Variants in FARS2 observed in about 807,000 individuals in gnomAD.
FARS2 encodes phenylalanyl-tRNA synthetase 2, mitochondrial.
FARS2 carries 40 observed loss-of-function variants against 46.4 expected under a neutral mutation model. The observed-to-expected ratio is 0.86, with a 90% CI of 0.67 to 1.12. The LOEUF is 1.12. Among genes scored for constraint, FARS2 ranks in the 50% most tolerant of loss-of-function variants. FARS2 has a pLI of 0.00. For synonymous variants in FARS2, 234 were observed against 214.9 expected (o/e 1.09, Z -0.78); for missense variants, 513 against 567.9 (o/e 0.90, Z 0.98).
At chr6:5,280,865 TAAG>T (rs546759969) in intron 1 of FARS2, among the ~76,000 whole-genome samples, 5 of 152,198 alleles carry the variant, frequency 3.3e-5, no homozygotes, top group East Asian at 1.9e-4. Context: ...AAGGTTTAGT[TAAG>T]AAGTATGTAG....
At chr6:5,400,852 T>C (rs1761214218) in intron 2 of FARS2, among the ~76,000 whole-genome samples, 1 of 152,050 alleles carries the variant, frequency 6.6e-6, no homozygotes, top group African/African-American at 2.4e-5. Context: ...ATAATTGTCT[T>C]ATTGATATAT....
intron 1 of FARS2, among the ~76,000 whole-genome samples, chr6:5,265,598 G>T (rs911493634): frequency 6.6e-6 from 1 of 152,188 alleles, no homozygotes; most frequent in Admixed American, 6.5e-5. Context: ...GCATTCAAGA[G>T]ATAGCTGGCA....
chr6:5,637,596 T>C (rs1308517506), intron 6 of FARS2, among the ~76,000 whole-genome samples: 1 of 152,244 alleles, frequency 6.6e-6, no homozygotes, highest in Non-Finnish European at 1.5e-5. Flanking sequence ...GCCTCTTCTT[T>C]TCATAAAAAC....
chr6:5,574,571 C>G (rs907199260), intron 5 of FARS2, among the ~76,000 whole-genome samples: 3 of 152,170 alleles, frequency 2.0e-5, no homozygotes, highest in Non-Finnish European at 4.4e-5. Context: ...ATACCCTTTA[C>G]TCAGATTTTG....
intron 5 of FARS2, among the ~76,000 whole-genome samples, chr6:5,562,305 T>G (rs1269372542): frequency 4.0e-5 from 6 of 151,562 alleles, no homozygotes; most frequent in Non-Finnish European, 1.5e-5. Flanking sequence ...TAAGAAGTGG[T>G]CTTTTAACGG....
At chr6:5,704,743 A>T (rs1758641056) in intron 6 of FARS2, among the ~76,000 whole-genome samples, 1 of 152,242 alleles carries the variant, frequency 6.6e-6, no homozygotes, top group African/African-American at 2.4e-5. Context: ...ATGATTTTAT[A>T]AAAGCAGCCC....
intron 6 of FARS2, among the ~76,000 whole-genome samples, chr6:5,698,873 G>T (rs1758256071): frequency 6.6e-6 from 1 of 152,160 alleles, no homozygotes; most frequent in African/African-American, 2.4e-5. Context: ...CACAGAGCTG[G>T]TCTGTGGGGG....
chr6:5,435,236 A>G (rs1763452783), intron 4 of FARS2, among the ~76,000 whole-genome samples: 2 of 152,236 alleles, frequency 1.3e-5, no homozygotes. Flanking sequence ...GAATGAAAGA[A>G]CTGAAACAAA....
At position 5,420,672 on chromosome 6, in the gene FARS2, C is replaced by A. The variant is rs368132156; in HGVS notation, c.773-10369C>A. Among the ~76,000 whole-genome samples the A allele has an allele frequency of 1.9e-4, 29 of 152,324 alleles. No individual in the cohort carries two copies. In the East Asian group the frequency reaches 4.8e-3, roughly 25 times the overall value. On this transcript the variant is annotated intron_variant, in intron 3 of 6. Coordinates refer to ENST00000274680, the MANE Select transcript of FARS2 (RefSeq NM_006567.5). ...AGAGGTATGTTCCCATGGTTTTGGGCAGCTCTGCCCCTGTGGCTTTGCAGG... is the reference window on the plus strand; with the variant it reads ...AGAGGTATGTTCCCATGGTTTTGGGAAGCTCTGCCCCTGTGGCTTTGCAGG...
At chr6:5,532,423 AGGTGAAGTTCTTTGTCATT>A (rs1179024254) in intron 4 of FARS2, among the ~76,000 whole-genome samples, 2 of 152,206 alleles carry the variant, frequency 1.3e-5, no homozygotes, top group African/African-American at 4.8e-5. Flanking sequence ...AAGATAATAT[AGGTGAAGTTCTTTGTCATT>A]GGTGAAGTTC....
At chr6:5,655,351 A>G (rs1777560084) in intron 6 of FARS2, among the ~76,000 whole-genome samples, 1 of 152,082 alleles carries the variant, frequency 6.6e-6, no homozygotes, top group Admixed American at 6.5e-5. Flanking sequence ...CCAGGATCCC[A>G]CCTTTCACTG....
At chr6:5,690,022 T>C (rs1166843507) in intron 6 of FARS2, among the ~76,000 whole-genome samples, 5 of 152,200 alleles carry the variant, frequency 3.3e-5, no homozygotes, top group African/African-American at 4.8e-5. Context: ...GATTGCAACC[T>C]CTGCCTTTTT....
chr6:5,672,515 T>C (rs756264395), intron 6 of FARS2, among the ~76,000 whole-genome samples: 14 of 152,200 alleles, frequency 9.2e-5, no homozygotes, highest in Non-Finnish European at 1.9e-4. Context: ...AGCTGTGATA[T>C]AAAAAGTAAA....
intron 2 of FARS2, among the ~76,000 whole-genome samples, chr6:5,386,343 G>A (rs1165039028): frequency 6.6e-6 from 1 of 152,140 alleles, no homozygotes; most frequent in Non-Finnish European, 1.5e-5. Context: ...AAGGAAGCAC[G>A]AACTGCTTCA....
At chr6:5,445,894 T>G (rs1764156693) in intron 4 of FARS2, among the ~76,000 whole-genome samples, 1 of 152,124 alleles carries the variant, frequency 6.6e-6, no homozygotes, top group African/African-American at 2.4e-5. Context: ...CAAACTACAG[T>G]AAGATACTCT....
At chr6:5,607,977 G>T (rs1363603902) in intron 5 of FARS2, among the ~76,000 whole-genome samples, 2 of 103,688 alleles carry the variant, frequency 1.9e-5, no homozygotes, top group Non-Finnish European at 2.0e-5. Flanking sequence ...TTTTACTTGG[G>T]CATGTATTTT....
intron 6 of FARS2, among the ~76,000 whole-genome samples, chr6:5,657,463 C>T (rs1240521905): frequency 6.6e-6 from 1 of 152,120 alleles, no homozygotes; most frequent in Non-Finnish European, 1.5e-5. Flanking sequence ...GAAATATTTG[C>T]CCTCCTGTTA....
At chr6:5,532,813 T>G (rs1324486574) in intron 4 of FARS2, among the ~76,000 whole-genome samples, 5 of 149,196 alleles carry the variant, frequency 3.4e-5, no homozygotes, top group Non-Finnish European at 7.4e-5. Context: ...AGAAGAAGAA[T>G]GTTAATTGCT....
intron 5 of FARS2, among the ~76,000 whole-genome samples, chr6:5,601,785 G>T (rs958960453): frequency 5.9e-5 from 9 of 152,080 alleles, no homozygotes; most frequent in Admixed American, 1.3e-4. Context: ...CACAGTCTCT[G>T]GCACACAGCA....
Sources: allele counts gnomAD v4.1 joint callset (sites outside exome capture counted in the v4.1 genomes callset), GRCh38; gene constraint gnomAD v4.1.1; transcripts MANE v1.5; gene names NCBI Gene and HGNC (gene_info 2026-07-23, HGNC 2026-07-21).